PIK3CA: variants seen among roughly 807,000 people sequenced by gnomAD.
PIK3CA encodes phosphatidylinositol 4,5-bisphosphate 3-kinase catalytic subunit alpha isoform.
A neutral mutation model predicts 138.2 loss-of-function variants in PIK3CA; 27 were observed. That is an observed-to-expected ratio of 0.20 (90% confidence interval 0.14 to 0.27). The LOEUF is 0.27. Among genes scored for constraint, PIK3CA ranks in the 10% least tolerant of loss-of-function variants. The pLI is 1.00. For synonymous variants in PIK3CA, 358 were observed against 413.2 expected (o/e 0.87, Z 1.62); for missense variants, 544 against 1,277.4 (o/e 0.43, Z 8.75).
At chr3:179,178,080 CAAAAAAAA>C (rs770394983) in intron 1 of PIK3CA, among the ~76,000 whole-genome samples, 60 of 59,552 alleles carry the variant, frequency 1.0e-3, no homozygotes, top group African/African-American at 3.1e-3. Context: ...TCTGTCTTTA[CAAAAAAAA>C]AAAAAAAAAA....
intron 1 of PIK3CA, among the ~76,000 whole-genome samples, chr3:179,197,667 T>G (rs1468242597): frequency 1.3e-5 from 2 of 152,236 alleles, no homozygotes; most frequent in Non-Finnish European, 2.9e-5. Context: ...TCTGATAGAC[T>G]AATCAAATAT....
intron 6 of PIK3CA, among the ~76,000 whole-genome samples, chr3:179,207,888 T>C (rs1432621390): frequency 2.6e-5 from 4 of 152,152 alleles, no homozygotes; most frequent in Non-Finnish European, 5.9e-5. Context: ...TACAATTATA[T>C]GTGTTACTGG....
rs77280402 is a variant in PIK3CA, at chr3:179,198,729, T to G, written c.-76-21T>G. On this transcript the variant is annotated intron_variant, in intron 1 of 20. Coordinates refer to ENST00000263967, the MANE Select transcript of PIK3CA (RefSeq NM_006218.4). ...CTGTAGTTGTGTCTCTTTTAACATA[T>G]GTTTTCCTTCTTTGATTTAGGTTTC... is the stretch of plus-strand genomic sequence containing the variant. 34 of 625,310 alleles carry G rather than the reference T, an allele frequency of 5.4e-5. No individual in the cohort carries two copies. In the African/African-American group the frequency reaches 5.5e-4, roughly 10 times the overall value. 38.7% of individuals were successfully genotyped at this position (625,310 alleles called of 1,614,324 possible).
intron 18 of PIK3CA, among the ~76,000 whole-genome samples, chr3:179,229,741 A>C (rs1297950166): frequency 1.3e-5 from 2 of 152,200 alleles, no homozygotes; most frequent in African/African-American, 4.8e-5. Context: ...TTCATTGTTA[A>C]AATGATTAGA....
intron 1 of PIK3CA, among the ~76,000 whole-genome samples, chr3:179,172,671 A>G (rs530255928): frequency 6.6e-6 from 1 of 152,270 alleles, no homozygotes; most frequent in East Asian, 1.9e-4. Context: ...AGATACACAA[A>G]CCTGTACACT....
At chr3:179,172,285 G>A (rs1197316076) in intron 1 of PIK3CA, among the ~76,000 whole-genome samples, 1 of 152,070 alleles carries the variant, frequency 6.6e-6, no homozygotes, top group Non-Finnish European at 1.5e-5. Flanking sequence ...ATACTTCATG[G>A]TGAATGATTT....
intron 1 of PIK3CA, among the ~76,000 whole-genome samples, chr3:179,160,728 AAC>A: frequency 6.6e-6 from 1 of 152,358 alleles, no homozygotes; most frequent in South Asian, 2.1e-4. Flanking sequence ...ATCTTTGTAC[AAC>A]ACACAATTTT....
At chr3:179,158,009 TG>T (rs1482428963) in intron 1 of PIK3CA, among the ~76,000 whole-genome samples, 1 of 152,154 alleles carries the variant, frequency 6.6e-6, no homozygotes, top group African/African-American at 2.4e-5. Context: ...AGTAAGTATC[TG>T]TGAACTCCTT....
chr3:179,208,087 G>A (rs1243775001), intron 6 of PIK3CA, among the ~76,000 whole-genome samples: 3 of 151,882 alleles, frequency 2.0e-5, no homozygotes, highest in Non-Finnish European at 2.9e-5. Context: ...AATAACATTT[G>A]TTTTTTCTTT....
chr3:179,190,414 A>G (rs1724099560), intron 1 of PIK3CA, among the ~76,000 whole-genome samples: 1 of 151,780 alleles, frequency 6.6e-6, no homozygotes, highest in Admixed American at 6.6e-5. Context: ...GTTGAGGTAC[A>G]GTTATAGAAA....
intron 1 of PIK3CA, among the ~76,000 whole-genome samples, chr3:179,192,214 C>G (rs1724153545): frequency 6.6e-6 from 1 of 152,134 alleles, no homozygotes; most frequent in African/African-American, 2.4e-5. Flanking sequence ...AGATGGTAAA[C>G]TATCTTGCCT....
At chr3:179,202,841 A>G (rs1227744124) in intron 4 of PIK3CA, among the ~76,000 whole-genome samples, 1 of 152,188 alleles carries the variant, frequency 6.6e-6, no homozygotes, top group Non-Finnish European at 1.5e-5. Context: ...ATGGGACATC[A>G]GTATGACTTA....
intron 1 of PIK3CA, among the ~76,000 whole-genome samples, chr3:179,185,220 A>T (rs1314778409): frequency 6.6e-6 from 1 of 152,210 alleles, no homozygotes; most frequent in South Asian, 2.1e-4. Flanking sequence ...GATAAACTTC[A>T]GGGGGGAGAA....
intron 1 of PIK3CA, among the ~76,000 whole-genome samples, chr3:179,149,186 A>G (rs566957256): frequency 4.6e-5 from 7 of 151,488 alleles, no homozygotes; most frequent in Non-Finnish European, 1.0e-4. Flanking sequence ...CTTCCTTTCG[A>G]GGTTGTTTTT....
intron 2 of PIK3CA, 149 bp downstream of exon 2, chr3:179,199,326 C>A: frequency 1.8e-6 from 1 of 547,134 alleles, no homozygotes; most frequent in Non-Finnish European, 3.1e-6. Context: ...GTTTTACTAT[C>A]GAACTATGGA....
chr3:179,153,096 C>T (rs1723052742), intron 1 of PIK3CA, among the ~76,000 whole-genome samples: 1 of 151,988 alleles, frequency 6.6e-6, no homozygotes, highest in Non-Finnish European at 1.5e-5. Flanking sequence ...ATTCAGGAGC[C>T]ATTATTTAGT....
In PIK3CA at chr3:179,220,438, G is replaced by GA. The variant is rs1205474032; in HGVS notation, c.2015+391dup. Among the ~76,000 whole-genome samples, 4 of 152,060 alleles carry GA rather than the reference G, an allele frequency of 2.6e-5. No homozygotes were observed. The highest frequency in any genetic ancestry group is 4.4e-5 in the Non-Finnish European group (3 of 67,996). Reference sequence around the variant, plus strand: ...ATGTCAAACTCCCGTGGTTCTTACTGAAAAACAAGCTAATTAAGAATAAAA... The same window carrying GA: ...ATGTCAAACTCCCGTGGTTCTTACTGAAAAAACAAGCTAATTAAGAATAAAA... On this transcript the variant is annotated intron_variant, in intron 13 of 20. Coordinates refer to ENST00000263967, the MANE Select transcript of PIK3CA (RefSeq NM_006218.4). The surrounding 1 kb of genome is among the most constrained non-coding windows in gnomAD (Gnocchi z 4.1).
At chr3:179,152,100 A>G (rs1723027751) in intron 1 of PIK3CA, among the ~76,000 whole-genome samples, 1 of 152,232 alleles carries the variant, frequency 6.6e-6, no homozygotes, top group Non-Finnish European at 1.5e-5. Context: ...GTAGTGATTC[A>G]TAAGCACCAG....
chr3:179,164,193 T>A (rs1400767667), intron 1 of PIK3CA, among the ~76,000 whole-genome samples: 4 of 152,040 alleles, frequency 2.6e-5, no homozygotes, highest in African/African-American at 4.8e-5. Context: ...ACCAAAAATA[T>A]CCAGACAAAA....
Sources: allele counts gnomAD v4.1 joint callset (sites outside exome capture counted in the v4.1 genomes callset), GRCh38; gene constraint gnomAD v4.1.1; non-coding constraint Gnocchi (gnomAD v3.1); transcripts MANE v1.5; gene names NCBI Gene and HGNC (gene_info 2026-07-23, HGNC 2026-07-21).